Variants in LRRC4C observed in about 807,000 individuals in gnomAD.
LRRC4C encodes leucine rich repeat containing 4C, also known as leucine-rich repeat-containing protein 4C.
In LRRC4C, 5 loss-of-function variants were observed where a neutral mutation model predicts 33.6. The observed-to-expected ratio is 0.15, with a 90% confidence interval of 0.08 to 0.31. The LOEUF (loss-of-function observed/expected upper bound fraction) is 0.31. Ranked by LOEUF, LRRC4C falls within the 10% of genes least tolerant of loss-of-function variation. LRRC4C has a pLI of 1.00. For synonymous variants in LRRC4C, 329 were observed against 302.0 expected (o/e 1.09, Z -0.93); for missense variants, 560 against 796.7 (o/e 0.70, Z 3.58).
intron 5 of LRRC4C, among the ~76,000 whole-genome samples, chr11:40,152,012 A>C (rs1457128892): frequency 6.6e-6 from 1 of 152,154 alleles, no homozygotes; most frequent in Non-Finnish European, 1.5e-5. Context: ...TTGCACTGTG[A>C]ATTTTAGCTC....
intron 1 of LRRC4C, among the ~76,000 whole-genome samples, chr11:41,154,905 A>G (rs1041346591): frequency 2.6e-5 from 4 of 152,118 alleles, no homozygotes; most frequent in Admixed American, 1.3e-4. Context: ...TGGTACGATT[A>G]TTTTGTGGTT....
At chr11:41,150,481 T>G (rs1012978668) in intron 1 of LRRC4C, among the ~76,000 whole-genome samples, 2 of 152,144 alleles carry the variant, frequency 1.3e-5, no homozygotes, top group African/African-American at 4.8e-5. Context: ...CTTTTTCTAC[T>G]GAAAACATAA....
chr11:40,466,669 A>G (rs1434337153), intron 3 of LRRC4C, among the ~76,000 whole-genome samples: 1 of 151,992 alleles, frequency 6.6e-6, no homozygotes, highest in Non-Finnish European at 1.5e-5. Flanking sequence ...GTGTAATATG[A>G]TTAGAATTTG....
intron 1 of LRRC4C, among the ~76,000 whole-genome samples, chr11:41,232,615 G>A (rs1046708670): frequency 2.0e-5 from 3 of 151,898 alleles, no homozygotes; most frequent in Non-Finnish European, 4.4e-5. Flanking sequence ...AATAATATGT[G>A]TATGTGAATA....
intron 5 of LRRC4C, among the ~76,000 whole-genome samples, chr11:40,158,131 G>A (rs1858858045): frequency 6.6e-6 from 1 of 152,132 alleles, no homozygotes; most frequent in Non-Finnish European, 1.5e-5. Flanking sequence ...GATGAGATTG[G>A]AGACTATTAT....
intron 3 of LRRC4C, among the ~76,000 whole-genome samples, chr11:40,367,701 G>A (rs1056205739): frequency 1.3e-5 from 2 of 151,996 alleles, no homozygotes; most frequent in Non-Finnish European, 2.9e-5. Flanking sequence ...CAACACTTTT[G>A]TGAAATGTCA....
At chr11:40,170,012 A>G (rs952029484) in intron 5 of LRRC4C, among the ~76,000 whole-genome samples, 1 of 152,312 alleles carries the variant, frequency 6.6e-6, no homozygotes, top group African/African-American at 2.4e-5. Context: ...TGGTAGTACT[A>G]GCTTGGCTTT....
chr11:40,567,016 G>A (rs994681806), intron 3 of LRRC4C, among the ~76,000 whole-genome samples: 1 of 152,012 alleles, frequency 6.6e-6, no homozygotes, highest in African/African-American at 2.4e-5. Flanking sequence ...ATAATAAATG[G>A]TGTTAGTTTT....
At chr11:40,656,300 T>C (rs984864120) in intron 2 of LRRC4C, among the ~76,000 whole-genome samples, 1 of 151,992 alleles carries the variant, frequency 6.6e-6, no homozygotes, top group African/African-American at 2.4e-5. Flanking sequence ...TTCTCCTTTT[T>C]TCCCTAATTT....
chr11:40,283,861 C>T (rs1389452127), intron 4 of LRRC4C, among the ~76,000 whole-genome samples: 1 of 151,870 alleles, frequency 6.6e-6, no homozygotes, highest in African/African-American at 2.4e-5. Context: ...CGTGCCACCA[C>T]ACCCGGTTCA....
intron 2 of LRRC4C, among the ~76,000 whole-genome samples, chr11:40,928,941 G>A (rs891408635): frequency 1.3e-5 from 2 of 152,000 alleles, no homozygotes; most frequent in Non-Finnish European, 2.9e-5. Flanking sequence ...AAAATGCTGT[G>A]GAAACATTTT....
intron 1 of LRRC4C, among the ~76,000 whole-genome samples, chr11:41,186,615 A>C (rs1270164317): frequency 6.6e-6 from 1 of 152,190 alleles, no homozygotes; most frequent in Non-Finnish European, 1.5e-5. Context: ...ATCTCTCCTG[A>C]ACACTGGGTC....
chr11:40,383,036 A>G (rs1316784306), intron 3 of LRRC4C, among the ~76,000 whole-genome samples: 1 of 151,986 alleles, frequency 6.6e-6, no homozygotes, highest in Non-Finnish European at 1.5e-5. Context: ...CTCTCTCTCC[A>G]TAGACCCGAG....
chr11:41,352,744 A>G (rs1166812194), intron 1 of LRRC4C, among the ~76,000 whole-genome samples: 2 of 152,200 alleles, frequency 1.3e-5, no homozygotes, highest in Non-Finnish European at 2.9e-5. Context: ...AATTACATGG[A>G]AAGTACACAA....
intron 1 of LRRC4C, among the ~76,000 whole-genome samples, chr11:41,210,273 C>T (rs1466811283): frequency 2.0e-5 from 3 of 152,144 alleles, no homozygotes; most frequent in Non-Finnish European, 4.4e-5. Context: ...ATAATTCCCA[C>T]ATGTTGTGGG....
At chr11:40,946,305 T>C (rs908971867) in intron 1 of LRRC4C, among the ~76,000 whole-genome samples, 2 of 152,218 alleles carry the variant, frequency 1.3e-5, no homozygotes, top group East Asian at 1.9e-4. Flanking sequence ...TCTTGGTATA[T>C]ATGTACCACA....
At chr11:40,427,426 G>C (rs1950757477) in intron 3 of LRRC4C, among the ~76,000 whole-genome samples, 1 of 152,228 alleles carries the variant, frequency 6.6e-6, no homozygotes, top group Non-Finnish European at 1.5e-5. Flanking sequence ...AGAATCACTT[G>C]AATCCCAGAG....
At chr11:40,465,186 G>A (rs915396684) in intron 3 of LRRC4C, among the ~76,000 whole-genome samples, 20 of 151,738 alleles carry the variant, frequency 1.3e-4, no homozygotes, top group Admixed American at 1.2e-3. Context: ...CTTCAACAAA[G>A]CCAACAAAAA....
At chr11:40,502,121 G>C (rs1235032112) in intron 3 of LRRC4C, among the ~76,000 whole-genome samples, 1 of 152,136 alleles carries the variant, frequency 6.6e-6, no homozygotes, top group Non-Finnish European at 1.5e-5. Context: ...TTCCCAACTA[G>C]TTCCTCATCT....
Sources: gnomAD v4.1 joint callset for allele counts (sites outside exome capture counted in the v4.1 genomes callset) on GRCh38, gnomAD v4.1.1 for gene constraint, MANE v1.5 for transcripts, NCBI Gene and HGNC (gene_info 2026-07-23, HGNC 2026-07-21) for gene names.